The following ADGRL2 variants were observed in gnomAD, a reference collection of about 807,000 sequenced individuals.
ADGRL2 encodes the protein calcium-independent alpha-latrotoxin receptor 2.
Under a neutral mutation model 157.4 loss-of-function variants are expected in ADGRL2, and 44 were observed. The observed-to-expected ratio is 0.28, with a 90% CI of 0.22 to 0.36. The LOEUF is 0.36. Ranked by LOEUF, ADGRL2 falls within the 10% of genes least tolerant of loss-of-function variation. The pLI is 1.00. For missense variants in ADGRL2, 1,510 were observed against 1,768.9 expected, an observed-to-expected ratio of 0.85 and a Z score of 2.63; for synonymous variants, 585 against 624.7, an observed-to-expected ratio of 0.94 and a Z score of 0.95.
chr1:81,767,887 T>C (rs2086198866), intron 2 of ADGRL2, among the ~76,000 whole-genome samples: 2 of 149,470 alleles, frequency 1.3e-5, no homozygotes, highest in South Asian at 4.2e-4. Flanking sequence ...AAAAAGAAAT[T>C]GCTGGGTCAT....
chr1:81,313,850 G>A (rs999933278), intron 1 of ADGRL2, among the ~76,000 whole-genome samples: 8 of 151,950 alleles, frequency 5.3e-5, no homozygotes, highest in African/African-American at 1.9e-4. Flanking sequence ...TTTTTCTGGT[G>A]TTCATTGATT....
chr1:81,355,188 TA>T (rs982190861), intron 1 of ADGRL2, among the ~76,000 whole-genome samples: 1 of 151,664 alleles, frequency 6.6e-6, no homozygotes, highest in African/African-American at 2.4e-5. Flanking sequence ...CCAACTCTAC[TA>T]AAAAAACACA....
At chr1:81,356,675 T>C (rs1176118875) in intron 1 of ADGRL2, among the ~76,000 whole-genome samples, 5 of 152,094 alleles carry the variant, frequency 3.3e-5, no homozygotes, top group South Asian at 4.1e-4. Flanking sequence ...TCTTTTTGGC[T>C]GGGTGCAATG....
At chr1:81,891,964 G>C (rs2094278852) in intron 2 of ADGRL2, among the ~76,000 whole-genome samples, 1 of 148,324 alleles carries the variant, frequency 6.7e-6, no homozygotes, top group African/African-American at 2.6e-5. Flanking sequence ...TAATAAGTGT[G>C]TGTGTGTGTG....
intron 2 of ADGRL2, among the ~76,000 whole-genome samples, chr1:81,902,114 A>G (rs2094498360): frequency 6.6e-6 from 1 of 152,174 alleles, no homozygotes; most frequent in Non-Finnish European, 1.5e-5. Flanking sequence ...GGTAATAGGT[A>G]GATTCAAAGA....
At chr1:81,987,224 TAGTATTTAC>T in intron 22 of ADGRL2, 195 bp downstream of exon 22, 1 of 1,390,140 alleles carries the variant, frequency 7.2e-7, no homozygotes, top group Non-Finnish European at 1.0e-6. Flanking sequence ...TCAGTCATGA[TAGTATTTAC>T]AATAATGATC....
In ADGRL2 at chr1:81,933,194, C is replaced by T. The variant is rs144706981; in HGVS notation, c.288-3534C>T. Among the ~76,000 whole-genome samples the T allele has an allele frequency of 5.6e-3, 851 of 152,184 alleles. 5 individuals carry two copies. Among genetic ancestry groups the T allele is most frequent in the African/African-American group, 0.019 (807 of 41,510 alleles). On this transcript the variant is annotated intron_variant, in intron 3 of 23. Coordinates refer to ENST00000686636, the MANE Select transcript of ADGRL2 (RefSeq NM_001366006.2). ...TAGTATCTGCTTCTTTATGATGAAC[C>T]GTAATTGTAGTTCCTTCAAATTGTA...
intron 1 of ADGRL2, among the ~76,000 whole-genome samples, chr1:81,357,471 A>G (rs2100883347): frequency 6.6e-6 from 1 of 152,172 alleles, no homozygotes; most frequent in South Asian, 2.1e-4. Flanking sequence ...ATTTCTTTCA[A>G]AGTTTTCAGC....
chr1:81,653,417 T>C (rs1329845497), intron 3 of ADGRL2, among the ~76,000 whole-genome samples: 2 of 151,000 alleles, frequency 1.3e-5, no homozygotes, highest in Non-Finnish European at 2.9e-5. Flanking sequence ...GACAATGACA[T>C]CTTCAGTCCT....
intron 2 of ADGRL2, among the ~76,000 whole-genome samples, chr1:81,863,153 T>C (rs2093437903): frequency 6.6e-6 from 1 of 152,134 alleles, no homozygotes; most frequent in Non-Finnish European, 1.5e-5. Flanking sequence ...GTGTCAGACA[T>C]GAATTAGAAA....
upstream of ADGRL2, among the ~76,000 whole-genome samples, chr1:81,697,440 T>C (rs2083468530): frequency 6.6e-6 from 1 of 152,184 alleles, no homozygotes; most frequent in African/African-American, 2.4e-5. Context: ...AGACATGCAC[T>C]AGCACTTTTT....
At chr1:81,787,958 G>A (rs925926747) in intron 2 of ADGRL2, among the ~76,000 whole-genome samples, 19 of 152,072 alleles carry the variant, frequency 1.2e-4, no homozygotes, top group African/African-American at 3.9e-4. Context: ...GAGCACCAGA[G>A]CTCAAACATT....
intron 2 of ADGRL2, among the ~76,000 whole-genome samples, chr1:81,517,252 T>G (rs2079199547): frequency 6.6e-6 from 1 of 151,626 alleles, no homozygotes; most frequent in African/African-American, 2.4e-5. Flanking sequence ...GTGGGCAGAT[T>G]ACAAGGTCCA....
chr1:81,418,807 G>A (rs911292945), intron 1 of ADGRL2, among the ~76,000 whole-genome samples: 1 of 152,100 alleles, frequency 6.6e-6, no homozygotes, highest in Non-Finnish European at 1.5e-5. Context: ...ACTTGCTGAG[G>A]TTGATACATT....
chr1:81,374,183 C>T (rs2076206956), intron 1 of ADGRL2, among the ~76,000 whole-genome samples: 1 of 152,160 alleles, frequency 6.6e-6, no homozygotes, highest in South Asian at 2.1e-4. Context: ...TGTATTCCAT[C>T]CATTTACCCA....
intron 1 of ADGRL2, among the ~76,000 whole-genome samples, chr1:81,755,698 G>C (rs1498206): frequency 0.47 from 71,098 of 151,616 alleles, 17,576 homozygotes; most frequent in East Asian, 0.85. Flanking sequence ...AGCTGGTTTT[G>C]CTATTCTACA....
intron 2 of ADGRL2, among the ~76,000 whole-genome samples, chr1:81,478,395 T>G (rs1176911465): frequency 2.0e-5 from 3 of 152,230 alleles, no homozygotes; most frequent in Non-Finnish European, 4.4e-5. Context: ...CACTTTCAGT[T>G]TGGTGTCACC....
chr1:81,669,290 T>C (rs1240848752), intron 3 of ADGRL2, among the ~76,000 whole-genome samples: 1 of 152,122 alleles, frequency 6.6e-6, no homozygotes, highest in Non-Finnish European at 1.5e-5. Flanking sequence ...GGCACACAAC[T>C]ATAGTCCCAG....
At chr1:81,504,277 C>T (rs1158804687) in intron 2 of ADGRL2, among the ~76,000 whole-genome samples, 2 of 152,126 alleles carry the variant, frequency 1.3e-5, no homozygotes, top group South Asian at 2.1e-4. Flanking sequence ...CCCCAGCCCT[C>T]TTCAGCCCTC....
Sources: gnomAD v4.1 joint callset for allele counts (sites outside exome capture counted in the v4.1 genomes callset) on GRCh38, gnomAD v4.1.1 for gene constraint, MANE v1.5 for transcripts, NCBI Gene and HGNC (gene_info 2026-07-23, HGNC 2026-07-21) for gene names.